Variants in TTLL8 observed in about 807,000 individuals in gnomAD.
TTLL8 encodes protein monoglycylase TTLL8.
In TTLL8, 65 loss-of-function variants were observed where a neutral mutation model predicts 77.8. That is an observed-to-expected ratio of 0.84 (90% confidence interval 0.68 to 1.03). The LOEUF (loss-of-function observed/expected upper bound fraction) is 1.03, where lower values mean the gene tolerates loss of function less well. Ranked by LOEUF, TTLL8 falls within the 50% of genes least tolerant of loss-of-function variation. The pLI, the probability that TTLL8 is intolerant of heterozygous loss-of-function variation, is 0.00. For synonymous variants in TTLL8, 402 were observed against 422.8 expected (o/e 0.95, Z 0.60); for missense variants, 910 against 1,004.5 (o/e 0.91, Z 1.27).
chr22:50,057,570 G>GAGC (rs1168311664), upstream of TTLL8, among the ~76,000 whole-genome samples: 1 of 70,444 alleles, frequency 1.4e-5, no homozygotes, highest in African/African-American at 8.6e-5. Context: ...GGTCTGGGTT[G>GAGC]GGGTCAGGTC....
At chr22:50,028,775 A>AC (rs762139957) in intron 12 of TTLL8, among the ~76,000 whole-genome samples, 27 of 21,102 alleles carry the variant, frequency 1.3e-3, no homozygotes, top group Non-Finnish European at 2.2e-3. Flanking sequence ...CCTCGTAAAG[A>AC]CCCCATCACA....
intron 2 of TTLL8, 69 bp from the exon 5 acceptor site, chr22:50,049,391 C>T (rs924167668): frequency 1.5e-6 from 2 of 1,354,814 alleles, no homozygotes; most frequent in Non-Finnish European, 9.9e-7. Context: ...GGGTCCGTTA[C>T]CACAACCGCA....
intron 8 of TTLL8, among the ~76,000 whole-genome samples, chr22:50,036,577 G>T (rs1358140274): frequency 6.6e-6 from 1 of 151,322 alleles, no homozygotes; most frequent in Non-Finnish European, 1.5e-5. Context: ...GTGCTCCTTT[G>T]TGTGTGGCCT....
At position 50,044,725 on chromosome 22, in the gene TTLL8, A is replaced by G. The variant is rs1056843097; in HGVS notation, c.643+530T>C. Among the ~76,000 whole-genome samples the G allele has an allele frequency of 2.6e-5, 4 of 152,160 alleles. No individual in the cohort carries two copies. The highest frequency in any genetic ancestry group is 7.2e-5 in the African/African-American group (3 of 41,424). ...GGCAGGAGAGTGTGGTAAATCTTGT[A>G]CCCTCTGCTCAGCTGTGCTGTGAAC... On this transcript the variant is annotated intron_variant, in intron 6 of 13. Transcript: ENST00000266182. The surrounding 1 kb of genome is among the most constrained non-coding windows in gnomAD (Gnocchi z 4.2).
At chr22:50,053,958 C>T (rs768267938) in intron 1 of TTLL8, among the ~76,000 whole-genome samples, 21 of 149,608 alleles carry the variant, frequency 1.4e-4, no homozygotes, top group South Asian at 4.3e-4. Flanking sequence ...TTCTGCTCTC[C>T]GTCCGGGTGT....
At chr22:50,050,115 C>T in exon 2 of TTLL8, 2 of 1,366,948 alleles carry the variant, frequency 1.5e-6, no homozygotes, top group East Asian at 4.6e-5. Flanking sequence ...CTACCATTGA[C>T]CCGGGCGCCT....
exon 11 of TTLL8, chr22:50,031,710 G>C (rs1474522266): frequency 7.6e-7 from 1 of 1,324,220 alleles, no homozygotes; most frequent in East Asian, 4.8e-5. Context: ...GCTCGAAGTT[G>C]CCGATGTCAC....
intron 8 of TTLL8, among the ~76,000 whole-genome samples, chr22:50,036,535 C>T (rs944989614): frequency 6.6e-6 from 1 of 152,038 alleles, no homozygotes; most frequent in Admixed American, 6.5e-5. Flanking sequence ...TGCCCTGTTC[C>T]TGAACTTCCT....
At chr22:50,022,416 C>T (rs1057379892) in intron 12 of TTLL8, among the ~76,000 whole-genome samples, 5 of 151,282 alleles carry the variant, frequency 3.3e-5, no homozygotes, top group Non-Finnish European at 5.9e-5. Flanking sequence ...GACATGCACT[C>T]CTCCATCTGA....
intron 12 of TTLL8, chr22:50,027,736 C>A: frequency 1.0e-6 from 1 of 985,404 alleles, no homozygotes; most frequent in Admixed American, 6.1e-5. Context: ...AGCAACGGTG[C>A]GGTTGCCTGA....
intron 1 of TTLL8, 106 bp from the exon 4 acceptor site, chr22:50,050,353 G>A: frequency 1.3e-6 from 1 of 780,220 alleles, no homozygotes; most frequent in Non-Finnish European, 1.8e-6. Flanking sequence ...GAGATTTGGG[G>A]GCACCCATCA....
exon 4 of TTLL8, chr22:50,047,241 A>T: frequency 7.3e-7 from 1 of 1,367,622 alleles, no homozygotes; most frequent in Non-Finnish European, 9.8e-7. Context: ...ATAGTCAATG[A>T]TGTCCCTCTT....
chr22:50,055,891 G>C (rs547775077), upstream of TTLL8, among the ~76,000 whole-genome samples: 8 of 152,236 alleles, frequency 5.3e-5, no homozygotes, highest in East Asian at 1.5e-3. Flanking sequence ...GAGACCTACA[G>C]GGCTGCATTC....
At chr22:50,019,572 A>G (rs2061183317) in intron 12 of TTLL8, among the ~76,000 whole-genome samples, 1 of 152,192 alleles carries the variant, frequency 6.6e-6, no homozygotes, top group South Asian at 2.1e-4. Context: ...GAGGACACTC[A>G]GCCCTGTGGA....
Position 50,046,043 on chromosome 22 carries a change from G to A in TTLL8, c.394-73C>T, listed in dbSNP as rs1056787475. The A allele has an allele frequency of 2.1e-5, 27 of 1,266,782 alleles. 1 individual carries two copies. The highest frequency in any genetic ancestry group is 1.5e-4 in the African/African-American group (10 of 65,392). 78.5% of individuals were successfully genotyped at this position (1,266,782 alleles called of 1,614,324 possible). A position where few individuals can be genotyped will look rare whatever the true frequency, so the allele number is the denominator to read the frequency against. On this transcript the variant is annotated intron_variant, in intron 4 of 13. Transcript: ENST00000266182. ...TCTGCCTCGCTCACAAGGCGAGGAC[G>A]GGCCGTCCACCTCAGACTTGCCTGG...
At chr22:50,031,261 G>C (rs956496612) in intron 11 of TTLL8, among the ~76,000 whole-genome samples, 2 of 152,230 alleles carry the variant, frequency 1.3e-5, no homozygotes, top group Admixed American at 1.3e-4. Context: ...CGCAGGCACA[G>C]GGAGGCCCGC....
exon 12 of TTLL8, chr22:50,030,719 C>T (rs2061283422): frequency 2.3e-6 from 3 of 1,310,154 alleles, no homozygotes; most frequent in South Asian, 2.5e-5. Flanking sequence ...CCTTCAGTCC[C>T]AAGTCCCGCT....
intron 11 of TTLL8, 133 bp from the exon 13 acceptor site, chr22:50,031,058 T>C (rs2061287657): frequency 8.6e-6 from 7 of 815,202 alleles, no homozygotes; most frequent in Non-Finnish European, 9.8e-6. Flanking sequence ...AGTGAACACC[T>C]GGGGTCCCAC....
intron 2 of TTLL8, 54 bp from the exon 5 acceptor site, chr22:50,049,376 G>A (rs973968096): frequency 5.4e-5 from 73 of 1,363,878 alleles, no homozygotes; most frequent in Non-Finnish European, 6.7e-5. Flanking sequence ...CAGACTTCCC[G>A]CACCGGGTCC....
Sources: allele counts gnomAD v4.1 joint callset (sites outside exome capture counted in the v4.1 genomes callset), GRCh38; gene constraint gnomAD v4.1.1; non-coding constraint Gnocchi (gnomAD v3.1); transcripts MANE v1.5; gene names NCBI Gene and HGNC (gene_info 2026-07-23, HGNC 2026-07-21).